Variants in SRGAP2C observed in about 807,000 individuals in gnomAD.
The protein encoded by SRGAP2C is SLIT-ROBO Rho GTPase activating protein 2C.
In SRGAP2C, 15 loss-of-function variants were observed where a neutral mutation model predicts 25.1. The observed-to-expected ratio is 0.60, with a 90% CI of 0.40 to 0.92. The LOEUF is 0.92. Ranked by LOEUF, SRGAP2C falls within the 40% of genes least tolerant of loss-of-function variation. The probability of loss-of-function intolerance (pLI) is 0.00; values close to 1 mark genes in which losing one functional copy is unlikely to be tolerated. For synonymous variants in SRGAP2C, 44 were observed against 96.6 expected (o/e 0.46, Z 3.19); for missense variants, 144 against 264.4 (o/e 0.54, Z 3.16).
At chr1:121,367,601 CCT>C (rs1413469506) in intron 5 of SRGAP2C, among the ~76,000 whole-genome samples, 1 of 150,238 alleles carries the variant, frequency 6.7e-6, no homozygotes, top group African/African-American at 2.5e-5. Flanking sequence ...TAGATTCTAC[CCT>C]GTCTTGACTA....
chr1:121,217,706 T>C lies in SRGAP2C; in HGVS notation c.67+30193T>C, dbSNP rs587667045. Among the ~76,000 whole-genome samples the C allele has an allele frequency of 6.6e-5, 10 of 152,356 alleles. No individual in the cohort carries two copies. The South Asian group carries it at 1.9e-3, about 28-fold the overall frequency. ...CTTCTCTTGACAGACTGCATCTCGA[T>C]GGCAGAACACTGGTAAGAAGCTAAT... On this transcript the variant is annotated intron_variant, in intron 2 of 9. Coordinates refer to ENST00000367123, the MANE Select transcript of SRGAP2C (RefSeq NM_001329984.2).
At chr1:121,188,059 A>T (rs1427261947) in intron 2 of SRGAP2C, among the ~76,000 whole-genome samples, 2 of 152,086 alleles carry the variant, frequency 1.3e-5, no homozygotes, top group African/African-American at 2.4e-5. Context: ...TGTACCTTGT[A>T]CCTGCCTGGT....
At chr1:121,285,222 GT>G (rs1657333234) in intron 3 of SRGAP2C, among the ~76,000 whole-genome samples, 1 of 150,804 alleles carries the variant, frequency 6.6e-6, no homozygotes, top group African/African-American at 2.4e-5. Context: ...CAGCAAACTT[GT>G]TTATAGCTCT....
chr1:121,242,000 A>G (rs1273096987), intron 2 of SRGAP2C, among the ~76,000 whole-genome samples: 24 of 129,480 alleles, frequency 1.9e-4, no homozygotes, highest in East Asian at 4.9e-4. Flanking sequence ...CTTTATGTAA[A>G]TAAAAGGAGA....
intron 2 of SRGAP2C, among the ~76,000 whole-genome samples, chr1:121,250,673 C>T (rs1328175019): frequency 4.7e-5 from 2 of 42,800 alleles, no homozygotes; most frequent in Non-Finnish European, 8.7e-5. Flanking sequence ...TTTTACAAAA[C>T]AACATGGATG....
intron 2 of SRGAP2C, among the ~76,000 whole-genome samples, chr1:121,224,117 G>A (rs1253662634): frequency 2.7e-5 from 4 of 150,684 alleles, no homozygotes; most frequent in African/African-American, 7.3e-5. Context: ...GCCTCTGAGC[G>A]TGCATCATCT....
At chr1:121,227,559 CA>C in intron 2 of SRGAP2C, among the ~76,000 whole-genome samples, 1 of 149,414 alleles carries the variant, frequency 6.7e-6, no homozygotes, top group East Asian at 2.0e-4. Flanking sequence ...TAAGTTTTAT[CA>C]TGAGAGTAAA....
chr1:121,206,222 C>A (rs1396382753), intron 2 of SRGAP2C, among the ~76,000 whole-genome samples: 1 of 152,028 alleles, frequency 6.6e-6, no homozygotes, highest in Admixed American at 6.6e-5. Context: ...CCCCAGACTA[C>A]ACTCACTACC....
chr1:121,314,845 C>G, intron 3 of SRGAP2C: 1 of 519,630 alleles, frequency 1.9e-6, no homozygotes, highest in Non-Finnish European at 3.6e-6. Context: ...GATGGAAATG[C>G]AGAAATCACC....
At chr1:121,202,170 G>C (rs1553321781) in intron 2 of SRGAP2C, among the ~76,000 whole-genome samples, 2 of 152,100 alleles carry the variant, frequency 1.3e-5, no homozygotes. Context: ...GAAGAGACTT[G>C]ATGAATTGAA....
chr1:121,298,362 T>A (rs1367105634), intron 3 of SRGAP2C, among the ~76,000 whole-genome samples: 1 of 150,558 alleles, frequency 6.6e-6, no homozygotes, highest in African/African-American at 2.5e-5. Context: ...GATATACTGT[T>A]GAGGCCCACA....
At chr1:121,350,525 A>G (rs1553345430) in intron 4 of SRGAP2C, among the ~76,000 whole-genome samples, 1 of 152,092 alleles carries the variant, frequency 6.6e-6, no homozygotes, top group Non-Finnish European at 1.5e-5. Flanking sequence ...CAAACTTTAA[A>G]TTAACTATGT....
At position 121,390,616 on chromosome 1, in the gene SRGAP2C, C is replaced by T. The variant is rs1433628913; in HGVS notation, c.*2761C>T. On this transcript the variant is annotated 3_prime_UTR_variant, in exon 10 of 10. Transcript: ENST00000367123. ...TTGGACTGATTTGCCCAGATGACATCAATTGGGAATTTGAGGCATGACCTA... is the reference window on the plus strand; with the variant it reads ...TTGGACTGATTTGCCCAGATGACATTAATTGGGAATTTGAGGCATGACCTA... The T allele has an allele frequency of 2.6e-5, 2 of 76,480 alleles. No homozygotes were observed. The highest frequency in any genetic ancestry group is 1.1e-4 in the African/African-American group (2 of 18,172). 4.7% of individuals were successfully genotyped at this position (76,480 alleles called of 1,614,324 possible).
intron 3 of SRGAP2C, among the ~76,000 whole-genome samples, chr1:121,313,751 GC>G (rs1194394474): frequency 8.4e-6 from 1 of 118,396 alleles, no homozygotes; most frequent in Non-Finnish European, 1.8e-5. Flanking sequence ...TTGAATATTG[GC>G]CCCCACTCTC....
chr1:121,188,111 C>T (rs1292670027), intron 2 of SRGAP2C, among the ~76,000 whole-genome samples: 6 of 152,130 alleles, frequency 3.9e-5, no homozygotes, highest in Non-Finnish European at 7.4e-5. Flanking sequence ...GAGAATAAGG[C>T]CACCCACACC....
intron 3 of SRGAP2C, among the ~76,000 whole-genome samples, chr1:121,297,225 A>C (rs1272878703): frequency 2.1e-5 from 3 of 143,498 alleles, no homozygotes; most frequent in Non-Finnish European, 3.0e-5. Flanking sequence ...TTTTGGAGGA[A>C]GAGTTGGGAG....
intron 2 of SRGAP2C, among the ~76,000 whole-genome samples, chr1:121,198,295 T>C (rs1654891209): frequency 6.7e-6 from 1 of 150,138 alleles, no homozygotes; most frequent in Non-Finnish European, 1.5e-5. Flanking sequence ...TTTTTTTTTG[T>C]TTGTTTGTTT....
chr1:121,224,077 G>T (rs1449521011), intron 2 of SRGAP2C, among the ~76,000 whole-genome samples: 2 of 152,058 alleles, frequency 1.3e-5, no homozygotes, highest in Non-Finnish European at 2.9e-5. Flanking sequence ...CTGTATGCTG[G>T]GGATTTAAAG....
At chr1:121,308,676 C>T (rs1476983927) in intron 3 of SRGAP2C, among the ~76,000 whole-genome samples, 1 of 151,794 alleles carries the variant, frequency 6.6e-6, no homozygotes, top group African/African-American at 2.4e-5. Context: ...CGGTGGTTCA[C>T]ACCTGTAATC....
Sources: gnomAD v4.1 joint callset for allele counts (sites outside exome capture counted in the v4.1 genomes callset) on GRCh38, gnomAD v4.1.1 for gene constraint, MANE v1.5 for transcripts, NCBI Gene and HGNC (gene_info 2026-07-23, HGNC 2026-07-21) for gene names.